VTI1B: variants seen among roughly 807,000 people sequenced by gnomAD.
The protein encoded by VTI1B is vesicle transport through interaction with t-SNAREs 1B.
VTI1B carries 18 observed loss-of-function variants against 28.6 expected under a neutral mutation model. That is an observed-to-expected ratio of 0.63 (90% confidence interval 0.43 to 0.93). The LOEUF is 0.93. Ranked by LOEUF, VTI1B falls within the 40% of genes least tolerant of loss-of-function variation. The probability of loss-of-function intolerance (pLI) is 0.00; values close to 1 mark genes in which losing one functional copy is unlikely to be tolerated. For missense variants in VTI1B, 283 were observed against 297.0 expected (o/e 0.95, Z 0.35); for synonymous variants, 100 against 107.9 (o/e 0.93, Z 0.46).
Position 67,648,270 on chromosome 14 carries a change from C to T in VTI1B, c.*3115G>A. ...CCTGCAAAGGATCTTTTCTGCTATT[C>T]CACATCATTGCAGAGTTTGTTTTTG... On this transcript the variant is annotated 3_prime_UTR_variant, in exon 6 of 6. Coordinates refer to ENST00000554659, the MANE Select transcript of VTI1B (RefSeq NM_006370.3). 1 of 1,438,252 alleles carries T rather than the reference C, an allele frequency of 7.0e-7. No homozygotes were observed. The highest frequency in any genetic ancestry group is 9.4e-7 in the Non-Finnish European group (1 of 1,060,846). 89.1% of individuals were successfully genotyped at this position (1,438,252 alleles called of 1,614,324 possible). A position where few individuals can be genotyped will look rare whatever the true frequency, so the allele number is the denominator to read the frequency against.
chr14:67,656,397 CCT>C lies in VTI1B; in HGVS notation c.540+17_540+18del. 1 of 1,567,060 alleles carries C rather than the reference CCT, an allele frequency of 6.4e-7. No homozygotes were observed. Among genetic ancestry groups the C allele is most frequent in the Non-Finnish European group, 8.7e-7 (1 of 1,152,680 alleles). ...TAATTACCCCATACTTGCCCCTTTC[CCT>C]GTCTGCCCAGACTTACTCTACTCTT... On this transcript the variant is annotated intron_variant, in intron 4 of 5. Coordinates refer to ENST00000554659, the MANE Select transcript of VTI1B (RefSeq NM_006370.3).
At chr14:67,662,945 C>T in intron 1 of VTI1B, 1 of 1,287,884 alleles carries the variant, frequency 7.8e-7, no homozygotes, top group East Asian at 3.2e-5. Flanking sequence ...TAGTGACTCT[C>T]TGAAACCCCT....
At chr14:67,672,080 A>G (rs887514961) in intron 1 of VTI1B, among the ~76,000 whole-genome samples, 5 of 152,024 alleles carry the variant, frequency 3.3e-5, no homozygotes, top group African/African-American at 1.2e-4. Context: ...AGAAATGGGC[A>G]TTGCAAAAAT....
rs187250210 is a variant in VTI1B, at chr14:67,650,053, G to A, written c.*1332C>T. On this transcript the variant is annotated 3_prime_UTR_variant, in exon 6 of 6. Coordinates refer to ENST00000554659, the MANE Select transcript of VTI1B (RefSeq NM_006370.3). ...CTTAACAGAAGGTAACTGAAGTCCA[G>A]ATAAAATAATTAACATATGGCTGAA... is the stretch of plus-strand genomic sequence containing the variant. The A allele has an allele frequency of 4.5e-4, 69 of 152,410 alleles. No homozygotes were observed. The highest frequency in any genetic ancestry group is 3.4e-3 in the Middle Eastern group (1 of 292). 9.4% of individuals were successfully genotyped at this position (152,410 alleles called of 1,614,324 possible).
intron 2 of VTI1B, among the ~76,000 whole-genome samples, chr14:67,661,322 C>T (rs1214705566): frequency 2.2e-5 from 3 of 136,890 alleles, no homozygotes; most frequent in Non-Finnish European, 3.1e-5. Flanking sequence ...TAAAGAAAAG[C>T]CACAGGTGAA....
rs771646335 is a variant in VTI1B at position 67,648,107 on chromosome 14, A to G, written c.*3278T>C. ...ATGCATTTGACCCTACACTGGCTCCAGCCACAGGAACTCCTGTTGTCGGGG... is the reference window on the plus strand; with the variant it reads ...ATGCATTTGACCCTACACTGGCTCCGGCCACAGGAACTCCTGTTGTCGGGG... On this transcript the variant is annotated 3_prime_UTR_variant, in exon 6 of 6. Coordinates refer to ENST00000554659, the MANE Select transcript of VTI1B (RefSeq NM_006370.3). 7 of 1,614,002 alleles carry G rather than the reference A, an allele frequency of 4.3e-6. No homozygotes were observed. Among genetic ancestry groups the G allele is most frequent in the Non-Finnish European group, 5.9e-6 (7 of 1,179,876 alleles).
intron 2 of VTI1B, among the ~76,000 whole-genome samples, chr14:67,661,824 G>A (rs942636011): frequency 2.0e-5 from 3 of 152,056 alleles, no homozygotes; most frequent in Admixed American, 6.6e-5. Flanking sequence ...GTGAGCCACC[G>A]CACTGACCAG....
At chr14:67,662,902 CAAAAAAA>C (rs11437880) in intron 1 of VTI1B, 62 of 899,640 alleles carry the variant, frequency 6.9e-5, no homozygotes, top group Admixed American at 2.7e-4. Flanking sequence ...GACTCTGTCT[CAAAAAAA>C]AAAAAAAAAA....
chr14:67,656,691 C>G lies in VTI1B; in HGVS notation c.367-102G>C, dbSNP rs551510248. ...CCCATGTTAGAAGGGATATAGTGAG[C>G]AATAATTTTCATTCCTTTTAAGACA... On this transcript the variant is annotated intron_variant, in intron 3 of 5. Coordinates refer to ENST00000554659, the MANE Select transcript of VTI1B (RefSeq NM_006370.3). 116 of 1,260,546 alleles carry G rather than the reference C, an allele frequency of 9.2e-5. 2 individuals carry two copies. The East Asian group carries it at 1.4e-3, about 15-fold the overall frequency. The allele number at this position is 1,260,546 out of a possible 1,614,324, so 78.1% of individuals were successfully genotyped here.
intron 2 of VTI1B, 129 bp from the exon 3 acceptor site, chr14:67,660,051 T>G (rs72723111): frequency 0.14 from 133,404 of 958,332 alleles, 9,838 homozygotes; most frequent in East Asian, 0.2. Flanking sequence ...ATATGCTCCA[T>G]GAGGCAGGGA....
Position 67,650,807 on chromosome 14 carries a change from G to GTGAT in VTI1B, c.*574_*577dup, listed in dbSNP as rs2037164366. The GTGAT allele has an allele frequency of 6.2e-7, 1 of 1,614,188 alleles. No homozygotes were observed. The highest frequency in any genetic ancestry group is 8.5e-7 in the Non-Finnish European group (1 of 1,180,016). On this transcript the variant is annotated 3_prime_UTR_variant, in exon 6 of 6. Coordinates refer to ENST00000554659, the MANE Select transcript of VTI1B (RefSeq NM_006370.3). Reference sequence around the variant, plus strand: ...GACTACAGCTAACCTGGCAGTAGATGTGATTGCTTCAAGCTTTGGTCAGAC... The same window carrying GTGAT: ...GACTACAGCTAACCTGGCAGTAGATGTGATTGATTGCTTCAAGCTTTGGTCAGAC...
At chr14:67,673,419 T>C (rs1322855166) in intron 1 of VTI1B, among the ~76,000 whole-genome samples, 1 of 152,182 alleles carries the variant, frequency 6.6e-6, no homozygotes, top group Non-Finnish European at 1.5e-5. Flanking sequence ...TACTTTCCTG[T>C]ATTCTTTAAC....
intron 4 of VTI1B, among the ~76,000 whole-genome samples, chr14:67,655,165 C>T (rs1010282053): frequency 6.6e-6 from 1 of 151,580 alleles, no homozygotes; most frequent in Non-Finnish European, 1.5e-5. Context: ...CATAATGAGA[C>T]CCCGTTTTTA....
intron 4 of VTI1B, 50 bp from the exon 5 acceptor site, chr14:67,653,548 T>C: frequency 2.0e-6 from 3 of 1,490,066 alleles, no homozygotes; most frequent in Non-Finnish European, 2.8e-6. Context: ...GTATACTCTG[T>C]ACAATTGAAT....
chr14:67,661,630 T>A (rs992755587), intron 2 of VTI1B, among the ~76,000 whole-genome samples: 3 of 149,830 alleles, frequency 2.0e-5, no homozygotes, highest in Non-Finnish European at 3.0e-5. Flanking sequence ...CCTCCCAGGC[T>A]GAAGTGATCT....
In VTI1B at chr14:67,649,297, G is replaced by A. The variant is rs1187298947; in HGVS notation, c.*2088C>T. The A allele has an allele frequency of 6.6e-6, 1 of 152,144 alleles. No homozygotes were observed. Among genetic ancestry groups the A allele is most frequent in the African/African-American group, 2.4e-5 (1 of 41,408 alleles). The allele number at this position is 152,144 out of a possible 1,614,324, so 9.4% of individuals were successfully genotyped here. On this transcript the variant is annotated 3_prime_UTR_variant, in exon 6 of 6. Transcript: ENST00000554659. ...AGTACTCTGGGAGGCCAAGGCAAGA[G>A]GATTACTTGACCCCAGGGGTTCAAG...
At chr14:67,674,177 G>A (rs913296005) in intron 1 of VTI1B, among the ~76,000 whole-genome samples, 198 bp downstream of exon 1, 3 of 152,232 alleles carry the variant, frequency 2.0e-5, no homozygotes, top group Admixed American at 2.0e-4. Context: ...AAGGATCCCA[G>A]GGAACTGAAT....
At position 67,651,228 on chromosome 14, in the gene VTI1B, G is replaced by A; in HGVS notation, c.*157C>T. ...TGCTGTTGTTCCTTCACATTTAAGT[G>A]GTTTTTCATCTTTCCTCCCTCCTCC... On this transcript the variant is annotated 3_prime_UTR_variant, in exon 6 of 6. Coordinates refer to ENST00000554659, the MANE Select transcript of VTI1B (RefSeq NM_006370.3). 7.1e-7 allele frequency: 1 copy of A among 1,409,240 alleles called. No homozygotes were observed. The highest frequency in any genetic ancestry group is 2.4e-5 in the East Asian group (1 of 41,158). The allele number at this position is 1,409,240 out of a possible 1,614,324, so 87.3% of individuals were successfully genotyped here.
chr14:67,648,290 T>A lies in VTI1B; in HGVS notation c.*3095A>T. 1 of 1,320,820 alleles carries A rather than the reference T, an allele frequency of 7.6e-7. No homozygotes were observed. The highest frequency in any genetic ancestry group is 1.0e-6 in the Non-Finnish European group (1 of 979,250). The allele number at this position is 1,320,820 out of a possible 1,614,324, so 81.8% of individuals were successfully genotyped here. ...CTATTCCACATCATTGCAGAGTTTG[T>A]TTTTGCTTAAACTTTTGTAGCTAAA... On this transcript the variant is annotated 3_prime_UTR_variant, in exon 6 of 6. Coordinates refer to ENST00000554659, the MANE Select transcript of VTI1B (RefSeq NM_006370.3).
Sources: gnomAD v4.1 joint callset for allele counts (sites outside exome capture counted in the v4.1 genomes callset) on GRCh38, gnomAD v4.1.1 for gene constraint, MANE v1.5 for transcripts, NCBI Gene and HGNC (gene_info 2026-07-23, HGNC 2026-07-21) for gene names.